Variants in DAB1 observed in about 807,000 individuals in gnomAD.
The protein encoded by DAB1 is DAB adaptor protein 1.
A neutral mutation model predicts 64.6 loss-of-function variants in DAB1; 15 were observed. The observed-to-expected ratio is 0.23, with a 90% CI of 0.16 to 0.36. DAB1 has a LOEUF of 0.36. Among genes scored for constraint, DAB1 ranks in the 10% least tolerant of loss-of-function variants. The pLI is 1.00. For synonymous variants in DAB1, 235 were observed against 251.9 expected (o/e 0.93, Z 0.64); for missense variants, 596 against 706.7 (o/e 0.84, Z 1.78).
At chr1:58,281,215 C>T (rs1325842315) in intron 4 of DAB1, among the ~76,000 whole-genome samples, 1 of 152,146 alleles carries the variant, frequency 6.6e-6, no homozygotes, top group Non-Finnish European at 1.5e-5. Flanking sequence ...TTTGATGTGG[C>T]CATTGTTATC....
intron 2 of DAB1, among the ~76,000 whole-genome samples, chr1:58,508,107 A>G (rs894632535): frequency 1.3e-5 from 2 of 152,194 alleles, no homozygotes; most frequent in African/African-American, 2.4e-5. Context: ...TGATATGCAG[A>G]AATAGAAAAA....
At chr1:57,305,044 T>C (rs925404025) in intron 1 of DAB1, among the ~76,000 whole-genome samples, 23 of 152,196 alleles carry the variant, frequency 1.5e-4, no homozygotes, top group African/African-American at 5.1e-4. Flanking sequence ...CAGCTCAGCT[T>C]TGGAGGTGCC....
intron 1 of DAB1, among the ~76,000 whole-genome samples, chr1:57,398,551 T>C (rs1192444514): frequency 2.0e-5 from 3 of 152,370 alleles, no homozygotes; most frequent in African/African-American, 7.2e-5. Context: ...AGACAGTCAG[T>C]ATGTTAAATG....
At chr1:57,625,097 G>A (rs529743902) in intron 7 of DAB1, among the ~76,000 whole-genome samples, 1 of 152,318 alleles carries the variant, frequency 6.6e-6, no homozygotes, top group Non-Finnish European at 1.5e-5. Flanking sequence ...TTCACCTTGA[G>A]AAGGCGAGTT....
chr1:57,609,841 C>G (rs1645704399), intron 7 of DAB1, among the ~76,000 whole-genome samples: 1 of 152,176 alleles, frequency 6.6e-6, no homozygotes. Context: ...TGTTTAGTCA[C>G]TTTAGCATAC....
intron 9 of DAB1, among the ~76,000 whole-genome samples, chr1:57,051,173 A>G (rs532105451): frequency 2.4e-4 from 36 of 152,354 alleles, no homozygotes; most frequent in Non-Finnish European, 5.1e-4. Context: ...GAAACATCAA[A>G]AGGGACAACC....
chr1:57,879,012 T>C (rs1380821147), intron 1 of DAB1, among the ~76,000 whole-genome samples: 1 of 152,226 alleles, frequency 6.6e-6, no homozygotes. Context: ...ATTTTGTTCT[T>C]TTTTATGGTT....
intron 7 of DAB1, among the ~76,000 whole-genome samples, chr1:57,432,181 A>C (rs1336151501): frequency 6.6e-6 from 1 of 152,112 alleles, no homozygotes; most frequent in Non-Finnish European, 1.5e-5. Flanking sequence ...AAGAATCAGC[A>C]TAGCATATGA....
intron 1 of DAB1, among the ~76,000 whole-genome samples, chr1:57,377,261 C>T (rs1412883268): frequency 1.4e-5 from 2 of 141,080 alleles, no homozygotes; most frequent in Admixed American, 7.1e-5. Context: ...CAGAGTGAGA[C>T]TCCATCTTAA....
At chr1:58,490,540 T>G (rs1259810534) in intron 3 of DAB1, among the ~76,000 whole-genome samples, 1 of 152,146 alleles carries the variant, frequency 6.6e-6, no homozygotes, top group East Asian at 1.9e-4. Context: ...CCAAGAGAAC[T>G]TCCCCAATCT....
chr1:58,119,661 A>C (rs540186677), intron 5 of DAB1, among the ~76,000 whole-genome samples: 87 of 152,132 alleles, frequency 5.7e-4, no homozygotes, highest in Non-Finnish European at 1.1e-3. Context: ...GGCCTTCTCC[A>C]GGCAAGCTGG....
chr1:58,294,478 T>A (rs760827455), intron 4 of DAB1, among the ~76,000 whole-genome samples: 3 of 152,084 alleles, frequency 2.0e-5, no homozygotes, highest in African/African-American at 4.8e-5. Context: ...TAAAGAAACA[T>A]TTGTTGAGCA....
intron 6 of DAB1, among the ~76,000 whole-genome samples, chr1:57,817,446 G>A (rs852756): frequency 0.31 from 47,396 of 152,118 alleles, 8,736 homozygotes; most frequent in Admixed American, 0.46. Flanking sequence ...GAGCATCCTC[G>A]TCTCTCCATC....
At chr1:57,689,690 T>C (rs1646740889) in intron 6 of DAB1, among the ~76,000 whole-genome samples, 1 of 152,172 alleles carries the variant, frequency 6.6e-6, no homozygotes, top group Non-Finnish European at 1.5e-5. Context: ...GGTACAGACA[T>C]GCAATGCATA....
chr1:57,281,362 T>C (rs552783649), intron 2 of DAB1, among the ~76,000 whole-genome samples: 13 of 152,290 alleles, frequency 8.5e-5, no homozygotes, highest in African/African-American at 3.1e-4. Flanking sequence ...AACTTGAGAC[T>C]AAAGAATACA....
intron 5 of DAB1, among the ~76,000 whole-genome samples, chr1:58,046,121 T>C (rs965899494): frequency 1.3e-5 from 2 of 152,178 alleles, no homozygotes; most frequent in Non-Finnish European, 1.5e-5. Context: ...TTGAGTTAAG[T>C]CCATGATATA....
At position 58,209,762 on chromosome 1, in the gene DAB1, T is replaced by C. The variant is rs187404480; in HGVS notation, n.310-59174A>G. ...AAAAATAGTTATGTAGCCCCTAGTA[T>C]ATATGGTATTGTCCTTGGTGCTGAA... On this transcript the variant is annotated intron_variant and non_coding_transcript_variant, in intron 4 of 20. Coordinates refer to the DAB1 transcript ENST00000485760. 1.3e-4 allele frequency among the ~76,000 whole-genome samples: 20 copies of C among 152,324 alleles called. No individual in the cohort carries two copies. The East Asian group carries it at 3.7e-3, about 28-fold the overall frequency.
intron 4 of DAB1, among the ~76,000 whole-genome samples, chr1:58,181,815 T>A (rs1353935140): frequency 6.6e-6 from 1 of 152,026 alleles, no homozygotes; most frequent in African/African-American, 2.4e-5. Context: ...CATGCAATTG[T>A]CTTTTAAATC....
chr1:58,224,217 T>C (rs191003404), intron 4 of DAB1, among the ~76,000 whole-genome samples: 3 of 152,296 alleles, frequency 2.0e-5, no homozygotes, highest in Admixed American at 6.5e-5. Context: ...TGAGCCTAGG[T>C]TCCACATCCA....
Sources: allele counts gnomAD v4.1 joint callset (sites outside exome capture counted in the v4.1 genomes callset), GRCh38; gene constraint gnomAD v4.1.1; transcripts MANE v1.5; gene names NCBI Gene and HGNC (gene_info 2026-07-23, HGNC 2026-07-21).